Variants in RCBTB1 observed in about 807,000 individuals in gnomAD.
The protein encoded by RCBTB1 is RCC1 and BTB domain-containing protein 1.
Under a neutral mutation model 62.4 loss-of-function variants are expected in RCBTB1, and 46 were observed. That is an observed-to-expected ratio of 0.74 (90% CI 0.58 to 0.94). The LOEUF (loss-of-function observed/expected upper bound fraction) is 0.94. Ranked by LOEUF, RCBTB1 falls within the 40% of genes least tolerant of loss-of-function variation. The pLI, the probability that RCBTB1 is intolerant of heterozygous loss-of-function variation, is 0.00. For missense variants in RCBTB1, 565 were observed against 654.9 expected, an observed-to-expected ratio of 0.86 and a Z score of 1.50; for synonymous variants, 222 against 245.8, an observed-to-expected ratio of 0.90 and a Z score of 0.91.
intron 9 of RCBTB1, chr13:49,546,825 A>T: frequency 2.9e-6 from 1 of 342,030 alleles, no homozygotes; most frequent in Non-Finnish European, 4.1e-6. Flanking sequence ...AGCTTCGCTC[A>T]CTGCCACTCA....
At position 49,551,381 on chromosome 13, in the gene RCBTB1, T is replaced by C. The variant is rs1961323752; in HGVS notation, c.799A>G (p.Thr267Ala). 1 of 1,614,234 alleles carries C rather than the reference T, an allele frequency of 6.2e-7. No individual in the cohort carries two copies. Among genetic ancestry groups the C allele is most frequent in the Admixed American group, 1.7e-5 (1 of 60,024 alleles). ...WGANTYGQLGTGNKNNLLSPA... is the reference protein window; with the variant it reads ...WGANTYGQLGAGNKNNLLSPA... ...CTTAGCAGGTTATTTTTATTGCCAGTTCCCAGCTGCCCATATGTGTTAGCT... is the reference window on the plus strand; with the variant it reads ...CTTAGCAGGTTATTTTTATTGCCAGCTCCCAGCTGCCCATATGTGTTAGCT... The change falls in exon 8 of 13, where the codon ACT (threonine) becomes GCT (alanine). Residue 267 changes from threonine to alanine, a missense_variant. Transcript: ENST00000378302.
chr13:49,558,926 G>A (rs545323043), intron 5 of RCBTB1, among the ~76,000 whole-genome samples: 59 of 152,164 alleles, frequency 3.9e-4, no homozygotes, highest in African/African-American at 1.3e-3. Context: ...ACCATAAATT[G>A]GGTAAATAAT....
At chr13:49,574,564 G>A (rs1266873519) in intron 2 of RCBTB1, among the ~76,000 whole-genome samples, 1 of 151,994 alleles carries the variant, frequency 6.6e-6, no homozygotes, top group Non-Finnish European at 1.5e-5. Context: ...GATTCATAAC[G>A]TAGAGTGGCA....
chr13:49,538,721 G>GA (rs909483441), intron 12 of RCBTB1, among the ~76,000 whole-genome samples: 1 of 143,912 alleles, frequency 6.9e-6, no homozygotes, highest in Non-Finnish European at 1.5e-5. Context: ...GTATCACCAG[G>GA]AAAAAAAAAT....
chr13:49,537,046 A>T (rs904965076), intron 12 of RCBTB1, among the ~76,000 whole-genome samples: 12 of 152,208 alleles, frequency 7.9e-5, no homozygotes, highest in African/African-American at 2.9e-4. Flanking sequence ...TGCCGCCTCT[A>T]AGGGAGTTCT....
At chr13:49,549,309 T>C (rs1388186535) in intron 9 of RCBTB1, 149 bp downstream of exon 9, 2 of 673,328 alleles carry the variant, frequency 3.0e-6, no homozygotes, top group Non-Finnish European at 4.7e-6. Context: ...TGAATACATT[T>C]GATTATGCAC....
At chr13:49,556,200 T>G (rs925705240) in intron 5 of RCBTB1, among the ~76,000 whole-genome samples, 2 of 150,528 alleles carry the variant, frequency 1.3e-5, no homozygotes, top group Non-Finnish European at 1.5e-5. Flanking sequence ...GCTTTGGTTT[T>G]TTTTTTTTTT....
intron 10 of RCBTB1, among the ~76,000 whole-genome samples, chr13:49,544,141 T>G (rs1490369723): frequency 1.3e-5 from 2 of 152,250 alleles, no homozygotes; most frequent in Non-Finnish European, 2.9e-5. Flanking sequence ...ATAAATTTTC[T>G]GATGGAAATG....
intron 9 of RCBTB1, chr13:49,546,918 G>C (rs185500225): frequency 1.0e-6 from 1 of 983,250 alleles, no homozygotes. Flanking sequence ...CCTGATCTAG[G>C]AGGATATAGT....
intron 2 of RCBTB1, among the ~76,000 whole-genome samples, chr13:49,580,041 C>T (rs112654999): frequency 6.6e-6 from 1 of 151,988 alleles, no homozygotes; most frequent in African/African-American, 2.4e-5. Flanking sequence ...GCCATGTGCT[C>T]GAAAAGCAAA....
At chr13:49,548,722 G>C (rs79566523) in intron 9 of RCBTB1, among the ~76,000 whole-genome samples, 19 of 151,714 alleles carry the variant, frequency 1.3e-4, no homozygotes, top group African/African-American at 4.4e-4. Flanking sequence ...GTATGCTTCC[G>C]CTTATATGAA....
At chr13:49,564,533 C>T (rs1344233448) in intron 4 of RCBTB1, among the ~76,000 whole-genome samples, 10 of 138,272 alleles carry the variant, frequency 7.2e-5, no homozygotes, top group African/African-American at 2.3e-4. Flanking sequence ...TTGAGTGGGC[C>T]GAGATCATGC....
intron 10 of RCBTB1, among the ~76,000 whole-genome samples, chr13:49,542,953 A>G (rs1369364606): frequency 6.6e-6 from 1 of 152,218 alleles, no homozygotes; most frequent in Non-Finnish European, 1.5e-5. Flanking sequence ...AAAGTGAGAT[A>G]CGGCACAAAG....
At chr13:49,559,283 A>G (rs1387666683) in intron 5 of RCBTB1, among the ~76,000 whole-genome samples, 2 of 152,248 alleles carry the variant, frequency 1.3e-5, no homozygotes, top group African/African-American at 4.8e-5. Flanking sequence ...TAAGTGAGAT[A>G]AACCAGTTAC....
At chr13:49,543,933 C>T (rs188504680) in intron 10 of RCBTB1, among the ~76,000 whole-genome samples, 105 of 152,266 alleles carry the variant, frequency 6.9e-4, no homozygotes, top group African/African-American at 2.1e-3. Flanking sequence ...GTGATATTCC[C>T]GCCTTGGCCT....
intron 4 of RCBTB1, among the ~76,000 whole-genome samples, chr13:49,564,140 A>T (rs1962703637): frequency 6.6e-6 from 1 of 152,240 alleles, no homozygotes. Flanking sequence ...GATCTTGAAG[A>T]GGCAGAGTAA....
chr13:49,565,084 G>C (rs1453915033), intron 4 of RCBTB1, among the ~76,000 whole-genome samples: 2 of 152,138 alleles, frequency 1.3e-5, no homozygotes, highest in Non-Finnish European at 2.9e-5. Context: ...GGACTGTACT[G>C]CTGCCATCTC....
chr13:49,544,340 C>T (rs1239746027), intron 10 of RCBTB1, among the ~76,000 whole-genome samples: 1 of 151,818 alleles, frequency 6.6e-6, no homozygotes, highest in Non-Finnish European at 1.5e-5. Flanking sequence ...ATGGTGGCGC[C>T]TGCCTGTAAT....
At chr13:49,565,212 T>A (rs1174011924) in intron 4 of RCBTB1, among the ~76,000 whole-genome samples, 1 of 152,230 alleles carries the variant, frequency 6.6e-6, no homozygotes. Flanking sequence ...AGACGGGGTT[T>A]CGCTGTGTTG....
Sources: gnomAD v4.1 joint callset for allele counts (sites outside exome capture counted in the v4.1 genomes callset) on GRCh38, gnomAD v4.1.1 for gene constraint, MANE v1.5 for transcripts, NCBI Gene and HGNC (gene_info 2026-07-23, HGNC 2026-07-21) for gene names.